Variants in PEBP4 observed in about 807,000 individuals in gnomAD.
PEBP4 encodes the protein phosphatidylethanolamine-binding protein 4.
A neutral mutation model predicts 23.9 loss-of-function variants in PEBP4; 22 were observed. That is an observed-to-expected ratio of 0.92 (90% CI 0.66 to 1.31). The LOEUF is 1.31. Among genes scored for constraint, PEBP4 ranks in the 40% most tolerant of loss-of-function variants. PEBP4 has a pLI of 0.00. For synonymous variants in PEBP4, 112 were observed against 99.3 expected, an observed-to-expected ratio of 1.13 and a Z score of -0.76; for missense variants, 324 against 281.7, an observed-to-expected ratio of 1.15 and a Z score of -1.07.
At chr8:22,715,371 T>C (rs1405572732) in intron 6 of PEBP4, among the ~76,000 whole-genome samples, 4 of 152,248 alleles carry the variant, frequency 2.6e-5, no homozygotes, top group Admixed American at 6.5e-5. Context: ...TATGGTATTA[T>C]GACCCTGGGA....
intron 3 of PEBP4, among the ~76,000 whole-genome samples, chr8:22,898,389 CCCAAAAAAAAAAAAA>C (rs1808634443): frequency 3.9e-4 from 34 of 86,666 alleles, no homozygotes; most frequent in South Asian, 1.9e-3. Flanking sequence ...AAGACTCCAC[CCCAAAAAAAAAAAAA>C]AAAAAAAAAA....
At chr8:22,830,080 G>C (rs1225293004) in intron 3 of PEBP4, among the ~76,000 whole-genome samples, 10 of 151,190 alleles carry the variant, frequency 6.6e-5, no homozygotes, top group Admixed American at 6.6e-4. Context: ...CTCAAGCCTT[G>C]TTTTCCCCAC....
intron 3 of PEBP4, among the ~76,000 whole-genome samples, chr8:22,909,862 G>A (rs1359668990): frequency 6.6e-6 from 1 of 152,256 alleles, no homozygotes; most frequent in Non-Finnish European, 1.5e-5. Flanking sequence ...GCTTAGCACA[G>A]AGCCTGGCCA....
intron 4 of PEBP4, among the ~76,000 whole-genome samples, chr8:22,739,042 C>T (rs1453990311): frequency 6.6e-6 from 1 of 152,170 alleles, no homozygotes; most frequent in Non-Finnish European, 1.5e-5. Flanking sequence ...TCTCCAGGCC[C>T]CTGGCAGGGG....
At chr8:22,915,443 T>C (rs1809052923) in intron 3 of PEBP4, among the ~76,000 whole-genome samples, 1 of 137,402 alleles carries the variant, frequency 7.3e-6, no homozygotes, top group Non-Finnish European at 1.6e-5. Context: ...CTGGCTCCCA[T>C]CTGTCCCTTG....
At chr8:22,891,499 G>C (rs573155581) in intron 3 of PEBP4, among the ~76,000 whole-genome samples, 18 of 152,356 alleles carry the variant, frequency 1.2e-4, no homozygotes, top group African/African-American at 4.3e-4. Flanking sequence ...CTGTTTGGGG[G>C]AAGGAGGAGT....
At chr8:22,735,393 C>T (rs972710258) in intron 4 of PEBP4, among the ~76,000 whole-genome samples, 7 of 152,178 alleles carry the variant, frequency 4.6e-5, no homozygotes, top group Non-Finnish European at 7.3e-5. Flanking sequence ...GGAGATTTCT[C>T]TTAGGTTGAG....
chr8:22,924,319 A>G (rs1378112100), intron 2 of PEBP4, among the ~76,000 whole-genome samples: 1 of 152,210 alleles, frequency 6.6e-6, no homozygotes, highest in East Asian at 1.9e-4. Flanking sequence ...AGCTATGATC[A>G]GGCCACTGCA....
Position 22,912,116 on chromosome 8 carries a change from C to T in PEBP4, c.258+8068G>A, listed in dbSNP as rs569763108. Reference sequence around the variant, plus strand: ...AGTTCTGGAATGACAGAGAAGGCCACGAGGATAAGGAGCCCTGGGAGTGAA... The same window carrying T: ...AGTTCTGGAATGACAGAGAAGGCCATGAGGATAAGGAGCCCTGGGAGTGAA... On this transcript the variant is annotated intron_variant, in intron 3 of 6. Transcript: ENST00000256404. Among the ~76,000 whole-genome samples the T allele has an allele frequency of 9.2e-5, 14 of 152,222 alleles. No homozygotes were observed. In the South Asian group the frequency reaches 2.7e-3, roughly 29 times the overall value.
At position 22,810,707 on chromosome 8, in the gene PEBP4, T is replaced by A. The variant is rs1047867403; in HGVS notation, c.357+6930A>T. Among the ~76,000 whole-genome samples, 597 of 127,766 alleles carry A rather than the reference T, an allele frequency of 4.7e-3. 5 individuals carry two copies. The highest frequency in any genetic ancestry group is 7.7e-3 in the Middle Eastern group (2 of 260). The allele number at this position is 127,766 out of a possible 152,430, so 83.8% of individuals were successfully genotyped here. A position where few individuals can be genotyped will look rare whatever the true frequency, so the allele number is the denominator to read the frequency against. ...GTGTGTGTGTGTGTGTGTGTGTGTG[T>A]GTGTGTGAGAGAGAGAGAGAGAAAG... On this transcript the variant is annotated intron_variant, in intron 4 of 6. Transcript: ENST00000256404.
At chr8:22,774,850 G>T (rs1805784101) in intron 4 of PEBP4, among the ~76,000 whole-genome samples, 1 of 152,120 alleles carries the variant, frequency 6.6e-6, no homozygotes, top group African/African-American at 2.4e-5. Context: ...CATATGGAAA[G>T]AAACCAATCT....
intron 3 of PEBP4, chr8:22,887,726 G>A (rs1420220702): frequency 6.6e-6 from 1 of 152,138 alleles, no homozygotes; most frequent in Non-Finnish European, 1.5e-5. Context: ...GATCATATTT[G>A]CCAGCCTGGG....
intron 5 of PEBP4, among the ~76,000 whole-genome samples, chr8:22,726,452 A>G (rs1414870296): frequency 2.0e-5 from 3 of 152,246 alleles, no homozygotes; most frequent in Non-Finnish European, 4.4e-5. Flanking sequence ...TTTATCCTCT[A>G]TCTCCTCAAG....
At chr8:22,725,327 AGT>A (rs1804601894) in intron 5 of PEBP4, among the ~76,000 whole-genome samples, 1 of 151,600 alleles carries the variant, frequency 6.6e-6, no homozygotes, top group African/African-American at 2.4e-5. Flanking sequence ...TTCCTCTGTG[AGT>A]GTGTTTGGCA....
intron 4 of PEBP4, chr8:22,757,596 C>A (rs1478908208): frequency 1.3e-5 from 2 of 152,188 alleles, no homozygotes; most frequent in Admixed American, 6.5e-5. Context: ...ATCCAGCCAG[C>A]TAGCGGGAGA....
chr8:22,909,030 C>G (rs1808877737), intron 3 of PEBP4, among the ~76,000 whole-genome samples: 1 of 152,302 alleles, frequency 6.6e-6, no homozygotes, highest in East Asian at 1.9e-4. Flanking sequence ...GGTGAACCCA[C>G]CCGACCCAAA....
chr8:22,731,649 C>T (rs71513902), intron 4 of PEBP4, among the ~76,000 whole-genome samples: 21,012 of 134,120 alleles, frequency 0.16, 1,902 homozygotes, highest in Middle Eastern at 0.21. Context: ...ATTTATCTAT[C>T]TATCTATTTA....
At chr8:22,881,776 G>A (rs990098338) in intron 3 of PEBP4, among the ~76,000 whole-genome samples, 3 of 152,170 alleles carry the variant, frequency 2.0e-5, no homozygotes, top group Non-Finnish European at 4.4e-5. Context: ...CAGCAATTAG[G>A]GATGAAACTG....
At position 22,817,624 on chromosome 8, in the gene PEBP4, T is replaced by C. The variant is rs374155051; in HGVS notation, c.357+13A>G. The C allele has an allele frequency of 8.4e-5, 136 of 1,610,922 alleles. No individual in the cohort carries two copies. The African/African-American group carries it at 1.4e-3, about 17-fold the overall frequency. On this transcript the variant is annotated intron_variant, in intron 4 of 6. Transcript: ENST00000256404. ...CCCCAAATGCGTCAGAGAGTGCCTC[T>C]TGGCCTGCTTACCTTGATATCTGTT...
Sources: allele counts gnomAD v4.1 joint callset (sites outside exome capture counted in the v4.1 genomes callset), GRCh38; gene constraint gnomAD v4.1.1; transcripts MANE v1.5; gene names NCBI Gene and HGNC (gene_info 2026-07-23, HGNC 2026-07-21).